Variants in MAP3K4 observed in about 807,000 individuals in gnomAD.
The protein encoded by MAP3K4 is MAP three kinase 1.
MAP3K4 carries 67 observed loss-of-function variants against 185.6 expected under a neutral mutation model. That is an observed-to-expected ratio of 0.36 (90% CI 0.30 to 0.44). The LOEUF (loss-of-function observed/expected upper bound fraction) is 0.44. Among genes scored for constraint, MAP3K4 ranks in the 20% least tolerant of loss-of-function variants. The pLI is 1.00. For synonymous variants in MAP3K4, 702 were observed against 710.4 expected (o/e 0.99, Z 0.19); for missense variants, 1,551 against 1,995.1 (o/e 0.78, Z 4.24).
chr6:161,094,457 T>C lies in MAP3K4; in HGVS notation c.3427+606T>C, dbSNP rs531419423. Among the ~76,000 whole-genome samples, 60 of 152,384 alleles carry C rather than the reference T, an allele frequency of 3.9e-4. No individual in the cohort carries two copies. The South Asian group carries it at 0.012, about 30-fold the overall frequency. On this transcript the variant is annotated intron_variant, in intron 15 of 26. Transcript: ENST00000392142. ...ATGATTAACACTTTTATAGTATATGTTGAAATGTTGAAAACAAAATATATG... is the reference window on the plus strand; with the variant it reads ...ATGATTAACACTTTTATAGTATATGCTGAAATGTTGAAAACAAAATATATG...
In MAP3K4 at chr6:161,115,068, G is replaced by C; in HGVS notation, c.4627-55G>C. The C allele has an allele frequency of 2.1e-6, 3 of 1,453,888 alleles. No individual in the cohort carries two copies. In the South Asian group the frequency reaches 3.7e-5, roughly 18 times the overall value. The allele number at this position is 1,453,888 out of a possible 1,614,324, so 90.1% of individuals were successfully genotyped here. A position where few individuals can be genotyped will look rare whatever the true frequency, so the allele number is the denominator to read the frequency against. ...GCTTAAAAACAGACTGAACATTTGC[G>C]TTGTTTGTGGCTGTGTAATATTAAA... is the stretch of plus-strand genomic sequence containing the variant. On this transcript the variant is annotated intron_variant, in intron 25 of 26. Transcript: ENST00000392142. The surrounding 1 kb of genome is among the most constrained non-coding windows in gnomAD (Gnocchi z 6.0).
intron 3 of MAP3K4, among the ~76,000 whole-genome samples, chr6:161,059,927 T>C (rs1583179526): frequency 6.6e-6 from 1 of 151,964 alleles, no homozygotes; most frequent in South Asian, 2.1e-4. Context: ...ATTTTTATGA[T>C]TGTATCCCAG....
chr6:161,096,495 AT>A lies in MAP3K4; in HGVS notation c.3428-581del, dbSNP rs1280873432. ...TTGTAATCACTAGGTAAGATCTCTA[AT>A]TTTAAATTTTATCTAGTTTTAAATT... is the stretch of plus-strand genomic sequence containing the variant. On this transcript the variant is annotated intron_variant, in intron 15 of 26. Coordinates refer to ENST00000392142, the MANE Select transcript of MAP3K4 (RefSeq NM_005922.4). This position sits in a 1 kb window ranked among gnomAD's most constrained non-coding sequence, Gnocchi z 4.9. Among the ~76,000 whole-genome samples the A allele has an allele frequency of 6.6e-6, 1 of 152,184 alleles. No individual in the cohort carries two copies. Among genetic ancestry groups the A allele is most frequent in the Non-Finnish European group, 1.5e-5 (1 of 68,018 alleles).
chr6:161,040,662 A>T (rs1783409519), intron 2 of MAP3K4, among the ~76,000 whole-genome samples: 1 of 152,264 alleles, frequency 6.6e-6, no homozygotes, highest in Admixed American at 6.5e-5. Flanking sequence ...GGATAAAGCC[A>T]TCAGATGCAT....
chr6:161,074,924 C>T lies in MAP3K4; in HGVS notation c.2097+1312C>T, dbSNP rs1384162301. Reference sequence around the variant, plus strand: ...CTGGCAACCCCACCCAGCACATTTCCCCTGCCTTTTGTTGACCAGACCTGT... The same window carrying T: ...CTGGCAACCCCACCCAGCACATTTCTCCTGCCTTTTGTTGACCAGACCTGT... On this transcript the variant is annotated intron_variant, in intron 5 of 26. Coordinates refer to ENST00000392142, the MANE Select transcript of MAP3K4 (RefSeq NM_005922.4). The surrounding 1 kb of genome is among the most constrained non-coding windows in gnomAD (Gnocchi z 5.0). Among the ~76,000 whole-genome samples the T allele has an allele frequency of 6.6e-6, 1 of 152,152 alleles. No homozygotes were observed. The highest frequency in any genetic ancestry group is 6.5e-5 in the Admixed American group (1 of 15,276).
chr6:161,064,148 T>G lies in MAP3K4; in HGVS notation c.1708-6460T>G, dbSNP rs1784599599. Among the ~76,000 whole-genome samples, 1 of 152,222 alleles carries G rather than the reference T, an allele frequency of 6.6e-6. No individual in the cohort carries two copies. The highest frequency in any genetic ancestry group is 2.1e-4 in the South Asian group (1 of 4,826). On this transcript the variant is annotated intron_variant, in intron 3 of 26. Transcript: ENST00000392142. This position sits in a 1 kb window ranked among gnomAD's most constrained non-coding sequence, Gnocchi z 4.3. ...GTACTAAATTGCCAGTATTTGACCATTTTCAATGAACGAAAGTGGGAATTT... is the reference window on the plus strand; with the variant it reads ...GTACTAAATTGCCAGTATTTGACCAGTTTCAATGAACGAAAGTGGGAATTT...
At position 161,106,970 on chromosome 6, in the gene MAP3K4, C is replaced by T. The variant is rs932033340; in HGVS notation, c.4048+265C>T. Among the ~76,000 whole-genome samples, 1 of 151,768 alleles carries T rather than the reference C, an allele frequency of 6.6e-6. No individual in the cohort carries two copies. Among genetic ancestry groups the T allele is most frequent in the East Asian group, 1.9e-4 (1 of 5,170 alleles). ...TGCATTGGATTCTTTTGCTTAATAA[C>T]CCTGGAATTTGCCAGTGGAGAGGTA... On this transcript the variant is annotated intron_variant, in intron 20 of 26. Coordinates refer to ENST00000392142, the MANE Select transcript of MAP3K4 (RefSeq NM_005922.4). The surrounding 1 kb of genome is among the most constrained non-coding windows in gnomAD (Gnocchi z 4.9).
rs544023682 is a variant in MAP3K4, at chr6:161,020,486, C to T, written c.153-13773C>T. 1.3e-3 allele frequency among the ~76,000 whole-genome samples: 204 copies of T among 152,066 alleles called. 1 individual carries two copies. The highest frequency in any genetic ancestry group is 2.6e-3 in the Non-Finnish European group (174 of 67,978). On this transcript the variant is annotated intron_variant, in intron 1 of 26. Transcript: ENST00000392142. ...CATCCTGGCCAACATGGTGAAACTC[C>T]GTTTCTACTAAAAATACAAATATTA...
At chr6:161,052,587 G>A (rs1784053177) in intron 3 of MAP3K4, among the ~76,000 whole-genome samples, 1 of 152,202 alleles carries the variant, frequency 6.6e-6, no homozygotes, top group Non-Finnish European at 1.5e-5. Context: ...GTAACAGAGA[G>A]CGAAAGTGGG....
At chr6:161,068,275 A>G (rs1212118890) in intron 3 of MAP3K4, among the ~76,000 whole-genome samples, 1 of 152,218 alleles carries the variant, frequency 6.6e-6, no homozygotes, top group Non-Finnish European at 1.5e-5. Context: ...GGAGAGATTA[A>G]ATGAGTTATT....
chr6:161,000,501 T>C (rs1408804617), intron 1 of MAP3K4, among the ~76,000 whole-genome samples: 1 of 152,252 alleles, frequency 6.6e-6, no homozygotes, highest in Non-Finnish European at 1.5e-5. Context: ...TGGCTGCTTA[T>C]CCTTAAACTA....
intron 1 of MAP3K4, among the ~76,000 whole-genome samples, chr6:161,015,095 T>G (rs1226829119): frequency 6.6e-6 from 1 of 152,212 alleles, no homozygotes; most frequent in East Asian, 1.9e-4. Context: ...AGTGCATTCA[T>G]TTATATGGTG....
In MAP3K4 at chr6:161,049,591, C is replaced by T. The variant is rs144846655; in HGVS notation, c.1319C>T (p.Pro440Leu). 1.1e-5 allele frequency: 18 copies of T among 1,614,020 alleles called. No individual in the cohort carries two copies. The highest frequency in any genetic ancestry group is 1.7e-4 in the Middle Eastern group (1 of 6,060). ...CCTCGACCATCCAAAGGTAATGAGC[C>T]GGAGTATGAGGGTGATGACACAGAA... Reference protein sequence around the residue: ...PSPRPSKGNEPEYEGDDTEGE... With the variant: ...PSPRPSKGNELEYEGDDTEGE... Residue 440 changes from proline to leucine, a missense_variant, in exon 3 of 27, where the codon CCG becomes CTG. By Grantham distance (98) the Pro-to-Leu change is moderately conservative (BLOSUM62 -3). This residue lies in a region of MAP3K4 where 126 missense variants were observed against 112.8 expected (regional missense o/e 1.12). Coordinates refer to ENST00000392142, the MANE Select transcript of MAP3K4 (RefSeq NM_005922.4). This position sits in a 1 kb window ranked among gnomAD's most constrained non-coding sequence, Gnocchi z 8.4.
In MAP3K4 at chr6:161,075,937, C is replaced by T. The variant is rs1257404769; in HGVS notation, c.2097+2325C>T. Reference sequence around the variant, plus strand: ...GGGAGCCCAAACAAAATCAGTGTTTCTATTAGGAAGGAAGGAAAGAACAGC... The same window carrying T: ...GGGAGCCCAAACAAAATCAGTGTTTTTATTAGGAAGGAAGGAAAGAACAGC... On this transcript the variant is annotated intron_variant, in intron 5 of 26. Coordinates refer to ENST00000392142, the MANE Select transcript of MAP3K4 (RefSeq NM_005922.4). The surrounding 1 kb of genome is among the most constrained non-coding windows in gnomAD (Gnocchi z 4.3). Among the ~76,000 whole-genome samples the T allele has an allele frequency of 6.6e-6, 1 of 152,048 alleles. No individual in the cohort carries two copies. The highest frequency in any genetic ancestry group is 1.5e-5 in the Non-Finnish European group (1 of 68,010).
At chr6:161,018,784 T>G (rs1782233111) in intron 1 of MAP3K4, among the ~76,000 whole-genome samples, 1 of 152,176 alleles carries the variant, frequency 6.6e-6, no homozygotes, top group Non-Finnish European at 1.5e-5. Context: ...CAGGAGTTGC[T>G]AAAATAGTAT....
Position 161,022,348 on chromosome 6 carries a change from C to G in MAP3K4, c.153-11911C>G, listed in dbSNP as rs901660038. The G allele has an allele frequency of 6.6e-6, 1 of 152,242 alleles. No homozygotes were observed. The highest frequency in any genetic ancestry group is 2.4e-5 in the African/African-American group (1 of 41,466). The allele number at this position is 152,242 out of a possible 1,614,324, so 9.4% of individuals were successfully genotyped here. A position where few individuals can be genotyped will look rare whatever the true frequency, so the allele number is the denominator to read the frequency against. ...TTCTCTCATTTAACTTGTAGCCAAG[C>G]TAGGTCTCCCTGGAGCTGAATTTAG... On this transcript the variant is annotated intron_variant, in intron 1 of 26. Coordinates refer to ENST00000392142, the MANE Select transcript of MAP3K4 (RefSeq NM_005922.4). This position sits in a 1 kb window ranked among gnomAD's most constrained non-coding sequence, Gnocchi z 4.2.
intron 2 of MAP3K4, among the ~76,000 whole-genome samples, chr6:161,041,912 CTTTTTTTTTTTTTCTTT>C (rs1290805895): frequency 6.2e-5 from 4 of 64,046 alleles, no homozygotes; most frequent in Non-Finnish European, 1.1e-4. Context: ...GTTATTGTTT[CTTTTTTTTTTTTTCTTT>C]TTTTTTTTTT....
At chr6:161,039,261 C>A (rs79915678) in intron 2 of MAP3K4, among the ~76,000 whole-genome samples, 1 of 145,974 alleles carries the variant, frequency 6.9e-6, no homozygotes, top group African/African-American at 2.6e-5. Flanking sequence ...TTCCCCTAGC[C>A]CCGAACCCGC....
At chr6:161,009,862 G>A (rs1220485241) in intron 1 of MAP3K4, among the ~76,000 whole-genome samples, 4 of 151,256 alleles carry the variant, frequency 2.6e-5, no homozygotes, top group South Asian at 2.1e-4. Flanking sequence ...GGGGCCTGTC[G>A]GGGGAAGGAG....
Sources: allele counts gnomAD v4.1 joint callset (sites outside exome capture counted in the v4.1 genomes callset), GRCh38; gene constraint gnomAD v4.1.1; regional missense constraint gnomAD v4.1.1; non-coding constraint Gnocchi (gnomAD v3.1); transcripts MANE v1.5; gene names NCBI Gene and HGNC (gene_info 2026-07-23, HGNC 2026-07-21).